The following SLC38A6 variants were observed in gnomAD, a reference collection of about 807,000 sequenced individuals.
SLC38A6 encodes the protein N system amino acid transporter NAT-1.
SLC38A6 carries 73 observed loss-of-function variants against 65.0 expected under a neutral mutation model. That is an observed-to-expected ratio of 1.12 (90% CI 0.93 to 1.37). The LOEUF is 1.37. Ranked by LOEUF, SLC38A6 falls within the 40% of genes most tolerant of loss-of-function variation. The pLI, the probability that SLC38A6 is intolerant of heterozygous loss-of-function variation, is 0.00. For missense variants in SLC38A6, 561 were observed against 531.1 expected (o/e 1.06, Z -0.55); for synonymous variants, 183 against 178.8 (o/e 1.02, Z -0.19).
At chr14:61,006,944 G>C (rs1326305521) in intron 3 of SLC38A6, among the ~76,000 whole-genome samples, 18 of 152,208 alleles carry the variant, frequency 1.2e-4, no homozygotes, top group Admixed American at 2.0e-4. Context: ...CAATGATAGA[G>C]TGGATTAAGA....
chr14:61,016,931 C>G (rs1391842189), intron 4 of SLC38A6, among the ~76,000 whole-genome samples: 1 of 152,144 alleles, frequency 6.6e-6, no homozygotes. Flanking sequence ...AAAGGATACT[C>G]TATCTGTAAC....
chr14:61,062,509 T>A (rs563267308), intron 15 of SLC38A6, among the ~76,000 whole-genome samples: 40 of 152,144 alleles, frequency 2.6e-4, no homozygotes, highest in East Asian at 1.5e-3. Flanking sequence ...TTTTTTTTTT[T>A]AAATACTGGG....
chr14:60,990,296 G>C (rs1376447971), intron 3 of SLC38A6, among the ~76,000 whole-genome samples: 1 of 152,166 alleles, frequency 6.6e-6, no homozygotes, highest in African/African-American at 2.4e-5. Flanking sequence ...CTCCCAAAGT[G>C]CTGGGATTAC....
At position 61,030,490 on chromosome 14, in the gene SLC38A6, C is replaced by T. The variant is rs1234903263; in HGVS notation, c.449C>T (p.Ala150Val). 1 of 1,610,960 alleles carries T rather than the reference C, an allele frequency of 6.2e-7. No individual in the cohort carries two copies. Among genetic ancestry groups the T allele is most frequent in the Non-Finnish European group, 8.5e-7 (1 of 1,178,572 alleles). Residue 150 changes from alanine (A) to valine (V), a missense_variant, in exon 6 of 16, where the codon GCT becomes GTT. Transcript: ENST00000267488. ...ATTATTAAAACAGAGCTTCCTGCTG[C>T]TATTGCAGAATTTTTGACTGGAGAC... is the stretch of plus-strand genomic sequence containing the variant. ...LLIIKTELPA[A>V]IAEFLTGDYS...
At chr14:61,034,050 T>G (rs927641055) in intron 6 of SLC38A6, 2 of 152,162 alleles carry the variant, frequency 1.3e-5, no homozygotes, top group Non-Finnish European at 2.9e-5. Flanking sequence ...AGCCAGATGA[T>G]CTCTAAGGTC....
At chr14:61,007,187 G>A (rs1341560248) in intron 3 of SLC38A6, among the ~76,000 whole-genome samples, 2 of 152,138 alleles carry the variant, frequency 1.3e-5, no homozygotes, top group African/African-American at 4.8e-5. Context: ...GTGGGAGGAA[G>A]GGAGAGGGAT....
intron 15 of SLC38A6, among the ~76,000 whole-genome samples, chr14:61,076,055 A>G (rs1036908940): frequency 2.0e-5 from 3 of 151,704 alleles, no homozygotes; most frequent in African/African-American, 7.3e-5. Flanking sequence ...AGGTTTCTCC[A>G]TGTTCATCAG....
At chr14:61,009,329 G>C (rs909752502) in intron 3 of SLC38A6, among the ~76,000 whole-genome samples, 2 of 152,118 alleles carry the variant, frequency 1.3e-5, no homozygotes, top group African/African-American at 4.8e-5. Context: ...CAATCTGCAT[G>C]TTGACATTGT....
At chr14:61,013,330 CTT>C (rs1369185986) in intron 3 of SLC38A6, among the ~76,000 whole-genome samples, 4 of 152,304 alleles carry the variant, frequency 2.6e-5, no homozygotes, top group Admixed American at 1.3e-4. Context: ...GGTCTTGACT[CTT>C]TATCCAATTT....
At chr14:61,043,072 C>T in intron 8 of SLC38A6, 75 bp from the exon 9 acceptor site, 7 of 913,406 alleles carry the variant, frequency 7.7e-6, no homozygotes, top group South Asian at 1.5e-5. Context: ...TGAAATGATA[C>T]TGACCTATTT....
Position 61,037,658 on chromosome 14 carries a change from T to A in SLC38A6, c.599T>A (p.Phe200Tyr), listed in dbSNP as rs776058716. ...GGCTACACAAGTAGTTTATCATTTT[T>A]CTTTATGATGTTCTTTGCTCTTGTG... ...FLGYTSSLSF[F>Y]FMMFFALVVI... The change falls in exon 8 of 16, where the codon TTC becomes TAC. Residue 200 changes from phenylalanine (F) to tyrosine (Y), a missense_variant. Transcript: ENST00000267488. The A allele has an allele frequency of 1.3e-5, 20 of 1,594,462 alleles. No homozygotes were observed. In the South Asian group the frequency reaches 1.9e-4, roughly 15 times the overall value.
In SLC38A6 at chr14:60,998,786, C is replaced by T. The variant is rs140075435; in HGVS notation, c.310+13983C>T. ...CCCGCCCCCTACACCTGCCGGTCTG[C>T]GAGCTCCGCCTCCTGTAAGGGGTTT... is the stretch of plus-strand genomic sequence containing the variant. On this transcript the variant is annotated intron_variant, in intron 3 of 15. Coordinates refer to ENST00000267488, the MANE Select transcript of SLC38A6 (RefSeq NM_153811.3). Among the ~76,000 whole-genome samples, 536 of 152,292 alleles carry T rather than the reference C, an allele frequency of 3.5e-3. 4 individuals are homozygous for T. The highest frequency in any genetic ancestry group is 0.012 in the African/African-American group (488 of 41,564).
chr14:61,081,757 T>C (rs2043661408), intron 16 of SLC38A6, among the ~76,000 whole-genome samples: 1 of 152,218 alleles, frequency 6.6e-6, no homozygotes, highest in South Asian at 2.1e-4. Flanking sequence ...TAGCTCATTT[T>C]ACCCTCACAA....
intron 2 of SLC38A6, among the ~76,000 whole-genome samples, chr14:60,984,034 G>C (rs2037274044): frequency 6.6e-6 from 1 of 151,964 alleles, no homozygotes. Flanking sequence ...CAGTTCACTG[G>C]GGATAGCTGT....
chr14:61,033,611 G>A (rs1256870774), intron 6 of SLC38A6, among the ~76,000 whole-genome samples: 1 of 151,952 alleles, frequency 6.6e-6, no homozygotes, highest in African/African-American at 2.4e-5. Flanking sequence ...TTACTAGTTT[G>A]TTTTTCTCAG....
intron 15 of SLC38A6, among the ~76,000 whole-genome samples, chr14:61,070,018 T>G (rs904339215): frequency 6.6e-6 from 1 of 152,198 alleles, no homozygotes; most frequent in African/African-American, 2.4e-5. Context: ...TCTCTTTACT[T>G]AACATTATGA....
At chr14:61,006,768 T>C (rs2039154245) in intron 3 of SLC38A6, among the ~76,000 whole-genome samples, 2 of 152,212 alleles carry the variant, frequency 1.3e-5, no homozygotes, top group African/African-American at 4.8e-5. Context: ...AGTGTGGCGA[T>C]TCCTCAGGGA....
chr14:60,982,664 A>AT (rs768919629), intron 2 of SLC38A6, 26 bp downstream of exon 2: 288 of 1,568,162 alleles, frequency 1.8e-4, no homozygotes, highest in Admixed American at 4.0e-4. Flanking sequence ...TTAGCATCAA[A>AT]TTTTTTTTTC....
chr14:61,024,258 C>T (rs1164224105), intron 5 of SLC38A6, among the ~76,000 whole-genome samples: 1 of 152,176 alleles, frequency 6.6e-6, no homozygotes, highest in African/African-American at 2.4e-5. Context: ...CTAGATTTAA[C>T]ACTCTTATTC....
Sources: gnomAD v4.1 joint callset for allele counts (sites outside exome capture counted in the v4.1 genomes callset) on GRCh38, gnomAD v4.1.1 for gene constraint, MANE v1.5 for transcripts, NCBI Gene and HGNC (gene_info 2026-07-23, HGNC 2026-07-21) for gene names.